Variants in LRFN5 observed in about 807,000 individuals in gnomAD.
The protein encoded by LRFN5 is leucine-rich repeat and fibronectin type-III domain-containing protein 5.
Under a neutral mutation model 45.6 loss-of-function variants are expected in LRFN5, and 24 were observed. The observed-to-expected ratio is 0.53, with a 90% CI of 0.38 to 0.74. The LOEUF is 0.74. Ranked by LOEUF, LRFN5 falls within the 30% of genes least tolerant of loss-of-function variation. The pLI is 0.00. For missense variants in LRFN5, 776 were observed against 861.5 expected (o/e 0.90, Z 1.24); for synonymous variants, 340 against 313.8 (o/e 1.08, Z -0.88).
chr14:41,843,615 AT>A (rs1888944313), intron 2 of LRFN5, among the ~76,000 whole-genome samples: 1 of 152,106 alleles, frequency 6.6e-6, no homozygotes, highest in African/African-American at 2.4e-5. Context: ...AGCATTCGAG[AT>A]TCCTTTTTTT....
intron 2 of LRFN5, among the ~76,000 whole-genome samples, chr14:41,784,660 G>T (rs374817956): frequency 6.6e-6 from 1 of 151,512 alleles, no homozygotes; most frequent in Non-Finnish European, 1.5e-5. Context: ...ACAGAGTCTC[G>T]CTCTGTCACC....
At chr14:41,833,604 GT>G (rs1888558985) in intron 2 of LRFN5, among the ~76,000 whole-genome samples, 1 of 152,172 alleles carries the variant, frequency 6.6e-6, no homozygotes, top group African/African-American at 2.4e-5. Context: ...TTTATGTGAT[GT>G]TTTAATGCTA....
intron 2 of LRFN5, among the ~76,000 whole-genome samples, chr14:41,836,810 A>G (rs1021444660): frequency 6.8e-6 from 1 of 147,214 alleles, no homozygotes; most frequent in Admixed American, 6.8e-5. Flanking sequence ...ATTCCTTCTC[A>G]TTGGTAGCCT....
chr14:41,826,852 A>G (rs1388178349), intron 2 of LRFN5, among the ~76,000 whole-genome samples: 1 of 151,740 alleles, frequency 6.6e-6, no homozygotes, highest in East Asian at 1.9e-4. Flanking sequence ...TTGTTTTAAT[A>G]AGTAATTATT....
At chr14:41,788,121 G>T (rs1886794158) in intron 2 of LRFN5, among the ~76,000 whole-genome samples, 1 of 152,024 alleles carries the variant, frequency 6.6e-6, no homozygotes, top group Non-Finnish European at 1.5e-5. Flanking sequence ...AATTTATGTT[G>T]TATAAGCTGC....
chr14:41,790,315 A>G (rs1886873539), intron 2 of LRFN5, among the ~76,000 whole-genome samples: 1 of 151,480 alleles, frequency 6.6e-6, no homozygotes, highest in African/African-American at 2.4e-5. Flanking sequence ...TTCCTATTTG[A>G]GTCTTATTTT....
At chr14:41,687,672 A>G (rs1882182188) in intron 1 of LRFN5, among the ~76,000 whole-genome samples, 1 of 152,218 alleles carries the variant, frequency 6.6e-6, no homozygotes, top group Non-Finnish European at 1.5e-5. Context: ...AAGCAATGAG[A>G]TCATGTCCTT....
At chr14:41,897,876 A>T (rs372496870) in intron 4 of LRFN5, among the ~76,000 whole-genome samples, 181 of 152,250 alleles carry the variant, frequency 1.2e-3, no homozygotes, top group African/African-American at 3.7e-3. Context: ...GGTTGAACAT[A>T]TAACCTTACC....
At chr14:41,840,751 A>C (rs888980296) in intron 2 of LRFN5, among the ~76,000 whole-genome samples, 6 of 152,038 alleles carry the variant, frequency 3.9e-5, no homozygotes, top group Non-Finnish European at 7.4e-5. Context: ...GAAGGCAACT[A>C]AAATAATTCT....
rs756477317 is a variant in LRFN5 at position 41,904,161 on chromosome 14, C to T, written c.2146C>T (p.Leu716=). ...VDQIVQETQR[L]ELI ...TTTTCTTTTTCTTTCATTTCAGAGG[C>T]TGGAGTTAATCTGAAGAGCACCACT... The change falls in exon 6 of 6, where the codon CTG becomes TTG. Residue 716 remains leucine, a synonymous_variant. Transcript: ENST00000298119. The T allele has an allele frequency of 6.2e-7, 1 of 1,602,958 alleles. No homozygotes were observed. The highest frequency in any genetic ancestry group is 1.1e-5 in the South Asian group (1 of 90,154).
intron 2 of LRFN5, among the ~76,000 whole-genome samples, chr14:41,794,722 T>C (rs1887056935): frequency 6.6e-6 from 1 of 151,996 alleles, no homozygotes; most frequent in Non-Finnish European, 1.5e-5. Context: ...TAAGAATATA[T>C]GGTTTATGCT....
chr14:41,862,906 C>G (rs1228955010), intron 2 of LRFN5, among the ~76,000 whole-genome samples: 1 of 127,860 alleles, frequency 7.8e-6, no homozygotes, highest in South Asian at 2.5e-4. Context: ...GCTCTGTGGT[C>G]AAGGCTGGAG....
At chr14:41,818,657 T>A (rs1888004927) in intron 2 of LRFN5, among the ~76,000 whole-genome samples, 1 of 152,142 alleles carries the variant, frequency 6.6e-6, no homozygotes, top group Non-Finnish European at 1.5e-5. Context: ...CTTGTTTCAA[T>A]TGTAACTAAT....
chr14:41,757,938 A>C (rs1393756130), intron 1 of LRFN5, among the ~76,000 whole-genome samples: 2 of 152,148 alleles, frequency 1.3e-5, no homozygotes, highest in Non-Finnish European at 2.9e-5. Flanking sequence ...AGAGTGAGCT[A>C]TCAGAAATCA....
intron 1 of LRFN5, among the ~76,000 whole-genome samples, chr14:41,625,905 A>G (rs979277889): frequency 1.1e-4 from 16 of 152,156 alleles, no homozygotes; most frequent in African/African-American, 3.9e-4. Flanking sequence ...ATTTGGTAAT[A>G]AAGTAAGTTG....
intron 2 of LRFN5, among the ~76,000 whole-genome samples, chr14:41,844,321 C>G (rs2139061174): frequency 6.6e-6 from 1 of 151,680 alleles, no homozygotes; most frequent in Non-Finnish European, 1.5e-5. Context: ...CCTGTAGTCC[C>G]AGCTACTCGG....
At chr14:41,791,382 T>C (rs1433122017) in intron 2 of LRFN5, among the ~76,000 whole-genome samples, 2 of 152,030 alleles carry the variant, frequency 1.3e-5, no homozygotes, top group Admixed American at 6.6e-5. Flanking sequence ...GTTATCTACC[T>C]GTCTCCTCAG....
At chr14:41,765,554 C>G (rs960197306) in intron 1 of LRFN5, among the ~76,000 whole-genome samples, 1 of 152,084 alleles carries the variant, frequency 6.6e-6, no homozygotes, top group Non-Finnish European at 1.5e-5. Context: ...TTTTGTCATG[C>G]ATATATGAAT....
chr14:41,784,783 T>C (rs1215860653), intron 2 of LRFN5, among the ~76,000 whole-genome samples: 2 of 151,800 alleles, frequency 1.3e-5, no homozygotes, highest in Non-Finnish European at 2.9e-5. Context: ...TACGCACCAC[T>C]ATACCCGGCT....
Sources: allele counts gnomAD v4.1 joint callset (sites outside exome capture counted in the v4.1 genomes callset), GRCh38; gene constraint gnomAD v4.1.1; transcripts MANE v1.5; gene names NCBI Gene and HGNC (gene_info 2026-07-23, HGNC 2026-07-21).